The following CIC variants were observed in gnomAD, a reference collection of about 807,000 sequenced individuals.
CIC encodes protein capicua homolog.
A neutral mutation model predicts 115.7 loss-of-function variants in CIC; 18 were observed. The ratio of observed to expected loss-of-function variants is 0.16; its 90% CI spans 0.11 to 0.23. The LOEUF (loss-of-function observed/expected upper bound fraction) is 0.23. Ranked by LOEUF, CIC falls within the 10% of genes least tolerant of loss-of-function variation. The pLI, the probability that CIC is intolerant of heterozygous loss-of-function variation, is 1.00. For missense variants in CIC, 2,000 were observed against 2,159.3 expected (o/e 0.93, Z 1.46); for synonymous variants, 1,076 against 923.0 (o/e 1.17, Z -3.01).
In CIC at chr19:42,289,317, C is replaced by T. The variant is rs764440532; in HGVS notation, c.3998C>T (p.Ser1333Phe). Residue 1333 changes from serine to phenylalanine, a missense_variant, in exon 9 of 21, where the codon TCT (serine) becomes TTT (phenylalanine). Ser to Phe is a radical substitution (Grantham distance 155). Transcript: ENST00000681038. ...GRPPLLPTRA[S>F]RSQRAASEDM... ...CCCCCGCTGCTGCCCACCCGAGCTTCTCGTTCTCAGCGTGCGGCCAGTGAG... is the reference window on the plus strand; with the variant it reads ...CCCCCGCTGCTGCCCACCCGAGCTTTTCGTTCTCAGCGTGCGGCCAGTGAG... 1 of 1,614,116 alleles carries T rather than the reference C, an allele frequency of 6.2e-7. No individual in the cohort carries two copies. Among genetic ancestry groups the T allele is most frequent in the Non-Finnish European group, 8.5e-7 (1 of 1,180,012 alleles).
rs760103394 is a variant in CIC, at chr19:42,292,469, G to A, written c.5902+3G>A. On this transcript the variant is annotated splice_donor_region_variant and intron_variant, in intron 14 of 20. Coordinates refer to ENST00000681038, the MANE Select transcript of CIC (RefSeq NM_001386298.1). ...CTTCGTGCAGCCCCTGCTCTCAGGT[G>A]AGGGGCGGCCTGGCAGGCAGTGCTG... 18 of 1,611,174 alleles carry A rather than the reference G, an allele frequency of 1.1e-5. No homozygotes were observed. The East Asian group carries it at 3.3e-4, about 30-fold the overall frequency.
chr19:42,287,367 G>A lies in CIC; in HGVS notation c.3227G>A (p.Gly1076Glu), dbSNP rs368616680. The A allele has an allele frequency of 1.2e-6, 2 of 1,614,100 alleles. No individual in the cohort carries two copies. Among genetic ancestry groups the A allele is most frequent in the African/African-American group, 1.3e-5 (1 of 75,042 alleles). Residue 1076 changes from glycine to glutamate, a missense_variant, in exon 5 of 21, where the codon GGA (glycine) becomes GAA (glutamate). By Grantham distance (98) the Gly-to-Glu change is moderately conservative. Transcript: ENST00000681038. The surrounding 1 kb of genome is among the most constrained non-coding windows in gnomAD (Gnocchi z 8.7). ...SPEIQLPLPP[G>E]KRRTQSLSAL... ...GAGATCCAGTTGCCTCTACCGCCCGGAAAACGTCGGACCCAGTCCCTCAGT... is the reference window on the plus strand; with the variant it reads ...GAGATCCAGTTGCCTCTACCGCCCGAAAAACGTCGGACCCAGTCCCTCAGT...
chr19:42,294,588 C>T lies in CIC; in HGVS notation c.7055-16C>T, dbSNP rs1321257528. The T allele has an allele frequency of 6.2e-7, 1 of 1,612,920 alleles. No individual in the cohort carries two copies. The highest frequency in any genetic ancestry group is 1.7e-5 in the Admixed American group (1 of 60,022). ...CCGCTGCTGCAGCCTTGCCATGCTG[C>T]CTGTGCCCTGCACAGGTACAGAAGC... On this transcript the variant is annotated splice_polypyrimidine_tract_variant and intron_variant, in intron 19 of 20. Coordinates refer to ENST00000681038, the MANE Select transcript of CIC (RefSeq NM_001386298.1).
chr19:42,288,670 C>T (rs960195715), intron 7 of CIC, among the ~76,000 whole-genome samples: 4 of 152,130 alleles, frequency 2.6e-5, no homozygotes, highest in African/African-American at 9.7e-5. Context: ...GGAGGGCTGC[C>T]CCCCAGGGAA....
intron 9 of CIC, 46 bp from the exon 10 acceptor site, chr19:42,289,802 C>G: frequency 2.1e-6 from 3 of 1,457,234 alleles, no homozygotes; most frequent in Non-Finnish European, 2.8e-6. Context: ...TCCTGGGTCC[C>G]CCTGCATCTA....
rs1273825689 is a variant in CIC, at chr19:42,273,500, G to A, written c.1717G>A (p.Val573Met). 2.5e-6 allele frequency: 1 copy of A among 398,426 alleles called. No homozygotes were observed. The highest frequency in any genetic ancestry group is 4.4e-6 in the Non-Finnish European group (1 of 226,002). The allele number at this position is 398,426 out of a possible 1,614,324, so 24.7% of individuals were successfully genotyped here. The change falls in exon 2 of 21, where the codon GTG becomes ATG. Residue 573 changes from valine (V) to methionine (M), a missense_variant. Val to Met is a conservative substitution (Grantham distance 21, BLOSUM62 1). Transcript: ENST00000681038. The part of the protein sequence containing the change: ...ETSRDSEASS[V>M]AARGDSRPRL... The stretch of plus-strand genomic sequence containing the variant: ...GTCGAGGGACAGTGAGGCCAGCAGT[G>A]TGGCGGCTCGTGGAGACTCACGGCC...
chr19:42,281,270 C>T (rs1176520980), intron 2 of CIC, among the ~76,000 whole-genome samples: 1 of 152,164 alleles, frequency 6.6e-6, no homozygotes, highest in African/African-American at 2.4e-5. Context: ...CGGTGCCTCG[C>T]GGGCTCAATA....
intron 2 of CIC, among the ~76,000 whole-genome samples, chr19:42,278,573 G>A (rs2037084888): frequency 6.6e-6 from 1 of 152,026 alleles, no homozygotes; most frequent in Non-Finnish European, 1.5e-5. Context: ...TTCTGTTTTG[G>A]CTGCCAGCTG....
chr19:42,284,910 G>C, intron 2 of CIC: 1 of 805,598 alleles, frequency 1.2e-6, no homozygotes, highest in Non-Finnish European at 2.0e-6. Flanking sequence ...TACGGAGCTC[G>C]GCCGGGCCGA....
rs1404443138 is a variant in CIC at position 42,294,255 on chromosome 19, C to T, written c.7005C>T (p.Thr2335=). The T allele has an allele frequency of 6.2e-7, 1 of 1,613,784 alleles. No homozygotes were observed. Among genetic ancestry groups the T allele is most frequent in the Non-Finnish European group, 8.5e-7 (1 of 1,180,040 alleles). ...CCAGCTGCAGCTCGGAGCCCAACACCCCCAAGAGTGCCAAGTGCGAGGGGG... is the reference window on the plus strand; with the variant it reads ...CCAGCTGCAGCTCGGAGCCCAACACTCCCAAGAGTGCCAAGTGCGAGGGGG... The part of the protein sequence containing the change: ...RRSSCSSEPN[T]PKSAKCEGDI... The change falls in exon 19 of 21, where the codon ACC becomes ACT. Residue 2335 remains threonine (T), a synonymous_variant. Coordinates refer to ENST00000681038, the MANE Select transcript of CIC (RefSeq NM_001386298.1).
chr19:42,270,377 G>A lies in CIC; in HGVS notation c.-11+996G>A, dbSNP rs998109782. ...CCCCCAGTAGCTGGAAGACTGAGTC[G>A]GGGTTGCCTCTCATTGTGTTTGGCT... On this transcript the variant is annotated intron_variant, in intron 1 of 20. Transcript: ENST00000681038. The surrounding 1 kb of genome is among the most constrained non-coding windows in gnomAD (Gnocchi z 4.1). Among the ~76,000 whole-genome samples, 2 of 152,216 alleles carry A rather than the reference G, an allele frequency of 1.3e-5. No homozygotes were observed. Among genetic ancestry groups the A allele is most frequent in the African/African-American group, 4.8e-5 (2 of 41,454 alleles).
Position 42,287,983 on chromosome 19 carries a change from A to C in CIC, c.3658+8A>C, listed in dbSNP as rs1300108954. ...CTGCTGCTGCCCCTGGGGGTTAGTC[A>C]GCCCCTTGGCTCTCCCACCCTGCCA... On this transcript the variant is annotated splice_region_variant and intron_variant, in intron 7 of 20. Transcript: ENST00000681038. This position sits in a 1 kb window ranked among gnomAD's most constrained non-coding sequence, Gnocchi z 8.7. 1.9e-6 allele frequency: 3 copies of C among 1,582,362 alleles called. No homozygotes were observed. Among genetic ancestry groups the C allele is most frequent in the Admixed American group, 1.8e-5 (1 of 54,672 alleles).
At chr19:42,281,625 C>G (rs1218352363) in intron 2 of CIC, among the ~76,000 whole-genome samples, 2 of 152,170 alleles carry the variant, frequency 1.3e-5, no homozygotes, top group African/African-American at 2.4e-5. Context: ...CTCCCCTCTG[C>G]TCCTAATCCA....
rs1459610716 is a variant in CIC at position 42,293,044 on chromosome 19, C to T, written c.6285C>T (p.Ser2095=). The T allele has an allele frequency of 1.2e-6, 2 of 1,612,990 alleles. No individual in the cohort carries two copies. The highest frequency in any genetic ancestry group is 1.7e-6 in the Non-Finnish European group (2 of 1,179,858). Residue 2095 remains serine (S), a synonymous_variant, in exon 16 of 21, where the codon AGC becomes AGT. Transcript: ENST00000681038. Reference sequence around the variant, plus strand: ...AGAAAGTGAAGGCAGCCATCGCCAGCATTCCCGTGGGGTCCTTTGAGGCAG... The same window carrying T: ...AGAAAGTGAAGGCAGCCATCGCCAGTATTCCCGTGGGGTCCTTTGAGGCAG... The part of the protein sequence containing the change: ...APQKVKAAIA[S]IPVGSFEAGA...
At position 42,288,954 on chromosome 19, in the gene CIC, G is replaced by C; in HGVS notation, c.3725G>C (p.Ser1242Thr). 6.2e-7 allele frequency: 1 copy of C among 1,614,110 alleles called. No homozygotes were observed. ...AGCTCAGACACCAAGGCTCCGGGGA[G>C]CAGCTCCTGTGGGGCAGAACGGCTA... The part of the protein sequence containing the change: ...LLSSDTKAPG[S>T]SSCGAERLHT... The change falls in exon 8 of 21, where the codon AGC becomes ACC. Residue 1242 changes from serine to threonine, a missense_variant. Ser to Thr is a moderately conservative substitution (Grantham distance 58). Transcript: ENST00000681038.
chr19:42,286,724 G>C lies in CIC; in HGVS notation c.2795-47G>C, dbSNP rs373715500. 5.6e-6 allele frequency: 9 copies of C among 1,612,622 alleles called. No individual in the cohort carries two copies. In the African/African-American group the frequency reaches 1.2e-4, roughly 22 times the overall value. ...GTGGGGAAGAGCTTGAGTTGGGGTT[G>C]GGGCCAGGCTCTCCTGCTGCACAGC... On this transcript the variant is annotated intron_variant, in intron 2 of 20. Transcript: ENST00000681038.
chr19:42,277,671 A>G (rs2037038141), intron 2 of CIC, among the ~76,000 whole-genome samples: 1 of 152,236 alleles, frequency 6.6e-6, no homozygotes, highest in Non-Finnish European at 1.5e-5. Flanking sequence ...GGGCCGTTTC[A>G]TCAGCTCCGC....
intron 19 of CIC, 46 bp from the exon 20 acceptor site, chr19:42,294,558 C>A: frequency 6.2e-7 from 1 of 1,610,288 alleles, no homozygotes; most frequent in Non-Finnish European, 8.5e-7. Flanking sequence ...GGCAGGAAGG[C>A]CCTGCCGCTG....
chr19:42,293,461 C>A, intron 16 of CIC, 131 bp from the exon 17 acceptor site: 2 of 1,499,738 alleles, frequency 1.3e-6, no homozygotes, highest in Non-Finnish European at 1.8e-6. Flanking sequence ...CCTGTCTTGG[C>A]CTTCCTGAGG....
Sources: allele counts gnomAD v4.1 joint callset (sites outside exome capture counted in the v4.1 genomes callset), GRCh38; gene constraint gnomAD v4.1.1; non-coding constraint Gnocchi (gnomAD v3.1); transcripts MANE v1.5; gene names NCBI Gene and HGNC (gene_info 2026-07-23, HGNC 2026-07-21).